The following TMOD1 variants were observed in gnomAD, a reference collection of about 807,000 sequenced individuals.
The protein encoded by TMOD1 is tropomodulin-1.
TMOD1 carries 17 observed loss-of-function variants against 40.6 expected under a neutral mutation model. The ratio of observed to expected loss-of-function variants is 0.42; its 90% CI spans 0.29 to 0.63. TMOD1 has a LOEUF of 0.63. Ranked by LOEUF, TMOD1 falls within the 20% of genes least tolerant of loss-of-function variation. The probability of loss-of-function intolerance (pLI) is 0.22; values close to 1 mark genes in which losing one functional copy is unlikely to be tolerated. For missense variants in TMOD1, 391 were observed against 447.6 expected (o/e 0.87, Z 1.14); for synonymous variants, 181 against 175.0 (o/e 1.03, Z -0.27).
chr9:97,590,389 A>AT (rs548898103), intron 8 of TMOD1, among the ~76,000 whole-genome samples: 8 of 151,166 alleles, frequency 5.3e-5, no homozygotes, highest in African/African-American at 7.3e-5. Flanking sequence ...ACACCTGGCT[A>AT]TTTTTTTTGT....
intron 8 of TMOD1, among the ~76,000 whole-genome samples, chr9:97,585,843 T>C (rs1320631583): frequency 7.3e-6 from 1 of 137,480 alleles, no homozygotes; most frequent in Non-Finnish European, 1.6e-5. Context: ...CGAGCCTTGG[T>C]TTTCAGCTCC....
chr9:97,516,207 C>A lies in TMOD1; in HGVS notation c.-48-7934C>A, dbSNP rs537271348. On this transcript the variant is annotated intron_variant, in intron 1 of 9. Transcript: ENST00000259365. ...GACAATTCAGTTCAATCTGCAGTAA[C>A]TTCACCTTCACTCTGAGCCAGGCAG... 5 of 152,410 alleles carry A rather than the reference C, an allele frequency of 3.3e-5. No homozygotes were observed. In the South Asian group the frequency reaches 8.3e-4, roughly 25 times the overall value. The allele number at this position is 152,410 out of a possible 1,614,324, so 9.4% of individuals were successfully genotyped here.
At chr9:97,559,819 ATATATG>A (rs762326447) in intron 4 of TMOD1, among the ~76,000 whole-genome samples, 4,137 of 41,318 alleles carry the variant, frequency 0.1, 263 homozygotes, top group South Asian at 0.23. Flanking sequence ...ATATATATAT[ATATATG>A]TCTATCTATC....
At chr9:97,573,142 C>A (rs2131273576) in intron 8 of TMOD1, among the ~76,000 whole-genome samples, 1 of 152,328 alleles carries the variant, frequency 6.6e-6, no homozygotes, top group South Asian at 2.1e-4. Context: ...CCCGAGGGAG[C>A]CTGCAGGCCC....
intron 8 of TMOD1, among the ~76,000 whole-genome samples, chr9:97,576,462 T>A (rs1467047469): frequency 2.6e-5 from 4 of 151,666 alleles, no homozygotes; most frequent in East Asian, 1.9e-4. Context: ...TCCAAAAAAA[T>A]AAATAAATAA....
chr9:97,562,639 G>A (rs754715244), intron 4 of TMOD1, 93 bp from the exon 5 acceptor site: 2 of 853,678 alleles, frequency 2.3e-6, no homozygotes, highest in Non-Finnish European at 3.5e-6. Flanking sequence ...TGCCATTTCT[G>A]TGAGCCAGAG....
chr9:97,503,597 T>C (rs1018295409), intron 1 of TMOD1, among the ~76,000 whole-genome samples: 2 of 152,134 alleles, frequency 1.3e-5, no homozygotes, highest in African/African-American at 4.8e-5. Flanking sequence ...GACCCTTGAG[T>C]TTCTCCCAGC....
chr9:97,574,596 G>A (rs962087269), intron 8 of TMOD1, among the ~76,000 whole-genome samples: 21 of 152,268 alleles, frequency 1.4e-4, no homozygotes, highest in Admixed American at 1.2e-3. Context: ...CTCCACCTGC[G>A]GCCCCGGTGC....
At chr9:97,583,837 C>A (rs1431213868) in intron 8 of TMOD1, among the ~76,000 whole-genome samples, 88 of 145,748 alleles carry the variant, frequency 6.0e-4, no homozygotes, top group African/African-American at 1.9e-3. Context: ...TCTGTGGGAT[C>A]GGTGGTGATA....
chr9:97,578,341 C>T (rs1464151641), intron 8 of TMOD1, among the ~76,000 whole-genome samples: 6 of 152,204 alleles, frequency 3.9e-5, no homozygotes, highest in African/African-American at 1.4e-4. Flanking sequence ...GCGTGAGCCA[C>T]CGTGCCCGGC....
intron 7 of TMOD1, among the ~76,000 whole-genome samples, chr9:97,566,749 A>G (rs537947836): frequency 1.3e-5 from 2 of 152,328 alleles, no homozygotes; most frequent in South Asian, 4.1e-4. Flanking sequence ...GACCAATTTT[A>G]TTTTATAAGT....
intron 7 of TMOD1, among the ~76,000 whole-genome samples, chr9:97,567,572 G>A (rs565296962): frequency 6.6e-6 from 1 of 152,236 alleles, no homozygotes; most frequent in Non-Finnish European, 1.5e-5. Context: ...CTAGCAGGTT[G>A]CCTACTGGTT....
intron 1 of TMOD1, among the ~76,000 whole-genome samples, chr9:97,508,271 C>A (rs1829628643): frequency 6.6e-6 from 1 of 152,044 alleles, no homozygotes; most frequent in Non-Finnish European, 1.5e-5. Context: ...TCACTGCAAC[C>A]TCCGCCTCCC....
At chr9:97,542,628 G>A (rs1329718853) in intron 2 of TMOD1, among the ~76,000 whole-genome samples, 6 of 152,094 alleles carry the variant, frequency 3.9e-5, no homozygotes, top group Admixed American at 3.9e-4. Flanking sequence ...CGAGGCTGGT[G>A]GATCACCTGA....
intron 8 of TMOD1, among the ~76,000 whole-genome samples, chr9:97,590,014 T>C (rs1489746866): frequency 1.3e-5 from 2 of 152,156 alleles, no homozygotes; most frequent in African/African-American, 4.8e-5. Flanking sequence ...ATGGAAAATA[T>C]AGACAACTTT....
At chr9:97,564,950 C>T (rs12004491) in intron 6 of TMOD1, among the ~76,000 whole-genome samples, 30,472 of 152,182 alleles carry the variant, frequency 0.2, 3,782 homozygotes, top group East Asian at 0.47. Flanking sequence ...GCCAGCCCCA[C>T]GGCACCATCA....
chr9:97,598,676 G>C (rs983002525), intron 9 of TMOD1, among the ~76,000 whole-genome samples: 7 of 152,232 alleles, frequency 4.6e-5, no homozygotes, highest in African/African-American at 1.7e-4. Context: ...CACCTCCCTT[G>C]TGGGTCTGCT....
At chr9:97,580,149 G>C (rs958658679) in intron 8 of TMOD1, among the ~76,000 whole-genome samples, 1 of 152,204 alleles carries the variant, frequency 6.6e-6, no homozygotes, top group African/African-American at 2.4e-5. Flanking sequence ...AGTGGGGCAC[G>C]AGGCAGGGCC....
At chr9:97,539,971 C>CAAAA (rs34844299) in intron 2 of TMOD1, among the ~76,000 whole-genome samples, 3 of 71,916 alleles carry the variant, frequency 4.2e-5, no homozygotes, top group Non-Finnish European at 8.1e-5. Context: ...GACTCTGTCT[C>CAAAA]AAAAAAAAAA....
Sources: gnomAD v4.1 joint callset for allele counts (sites outside exome capture counted in the v4.1 genomes callset) on GRCh38, gnomAD v4.1.1 for gene constraint, MANE v1.5 for transcripts, NCBI Gene and HGNC (gene_info 2026-07-23, HGNC 2026-07-21) for gene names.